Variants in PLBD1 observed in about 807,000 individuals in gnomAD.
PLBD1 encodes the protein phospholipase B domain containing 1.
A neutral mutation model predicts 63.0 loss-of-function variants in PLBD1; 60 were observed. That is an observed-to-expected ratio of 0.95 (90% CI 0.77 to 1.18). The LOEUF is 1.18. Among genes scored for constraint, PLBD1 ranks in the 50% most tolerant of loss-of-function variants. The pLI is 0.00. For synonymous variants in PLBD1, 262 were observed against 248.0 expected (o/e 1.06, Z -0.53); for missense variants, 598 against 677.9 (o/e 0.88, Z 1.31).
At chr12:14,553,122 G>T in intron 2 of PLBD1, 71 bp downstream of exon 2, 1 of 1,296,176 alleles carries the variant, frequency 7.7e-7, no homozygotes, top group South Asian at 1.3e-5. Flanking sequence ...CCAGGAAGAT[G>T]AGAGTCACTG....
At chr12:14,545,302 T>C (rs1035354040) in intron 2 of PLBD1, among the ~76,000 whole-genome samples, 2 of 152,260 alleles carry the variant, frequency 1.3e-5, no homozygotes, top group African/African-American at 2.4e-5. Context: ...CTCCCAGCCT[T>C]GACTCAGCTC....
intron 2 of PLBD1, among the ~76,000 whole-genome samples, chr12:14,545,938 CTT>C (rs1945613052): frequency 6.6e-6 from 1 of 152,102 alleles, no homozygotes; most frequent in South Asian, 2.1e-4. Context: ...TCTACCACCT[CTT>C]AATACAAGAG....
chr12:14,547,178 CTTTGTGTGTGTGTG>C (rs1945622340), intron 2 of PLBD1, among the ~76,000 whole-genome samples: 1 of 95,094 alleles, frequency 1.1e-5, no homozygotes, highest in African/African-American at 3.7e-5. Flanking sequence ...CTGCACCTGG[CTTTGTGTGTGTGTG>C]TGTGTGTGTG....
At position 14,535,773 on chromosome 12, in the gene PLBD1, C is replaced by A. The variant is rs1038185471; in HGVS notation, c.730G>T (p.Ala244Ser). ...GCATACGTGTACCAGCTTGAGTGAG[C>A]AAAAAGGATGTTCTCAAATCCAGGA... ...VLPGFENILF[A>S]HSSWYTYAAM... The change falls in exon 6 of 11, where the codon GCT becomes TCT. Residue 244 changes from alanine (A) to serine (S), a missense_variant. Ala to Ser is a moderately conservative substitution (Grantham distance 99). Coordinates refer to ENST00000240617, the MANE Select transcript of PLBD1 (RefSeq NM_024829.6). The A allele has an allele frequency of 6.2e-6, 10 of 1,612,506 alleles. No individual in the cohort carries two copies. The highest frequency in any genetic ancestry group is 1.6e-4 in the Middle Eastern group (1 of 6,078).
At chr12:14,517,401 G>A (rs778515068) in intron 6 of PLBD1, among the ~76,000 whole-genome samples, 3 of 152,000 alleles carry the variant, frequency 2.0e-5, no homozygotes, top group Non-Finnish European at 4.4e-5. Flanking sequence ...TCCTGCCTTG[G>A]CCTCTTAAAG....
At chr12:14,560,999 T>A (rs749718944) in intron 1 of PLBD1, among the ~76,000 whole-genome samples, 8 of 151,892 alleles carry the variant, frequency 5.3e-5, no homozygotes, top group Non-Finnish European at 1.2e-4. Flanking sequence ...CATGTCTGCA[T>A]GTGCTCCAGG....
chr12:14,533,640 A>G (rs1945485682), intron 6 of PLBD1, among the ~76,000 whole-genome samples: 1 of 152,230 alleles, frequency 6.6e-6, no homozygotes, highest in East Asian at 1.9e-4. Flanking sequence ...GAGGAAGAAT[A>G]CTGGACTGCT....
chr12:14,543,544 C>T (rs1480255172), intron 2 of PLBD1, among the ~76,000 whole-genome samples: 4 of 152,018 alleles, frequency 2.6e-5, no homozygotes, highest in Non-Finnish European at 1.5e-5. Flanking sequence ...TGGTGAAACC[C>T]CGTCTCTACT....
rs201899967 is a variant in PLBD1, at chr12:14,511,478, T to C, written c.1045+33A>G. On this transcript the variant is annotated intron_variant, in intron 7 of 10. Transcript: ENST00000240617. ...ACAAGCCTAAATCAAAATATATGTC[T>C]GTGCCTAACAGTTATTCTGCAGGGT... is the stretch of plus-strand genomic sequence containing the variant. 114 of 1,614,138 alleles carry C rather than the reference T, an allele frequency of 7.1e-5. No individual in the cohort carries two copies. In the East Asian group the frequency reaches 1.1e-3, roughly 15 times the overall value.
At chr12:14,509,747 AAT>A (rs994050216) in intron 8 of PLBD1, among the ~76,000 whole-genome samples, 1 of 152,194 alleles carries the variant, frequency 6.6e-6, no homozygotes, top group African/African-American at 2.4e-5. Context: ...GATCTATTGC[AAT>A]AGTCTCCTAA....
intron 1 of PLBD1, among the ~76,000 whole-genome samples, chr12:14,560,230 G>C (rs974624224): frequency 6.6e-6 from 1 of 152,144 alleles, no homozygotes; most frequent in Non-Finnish European, 1.5e-5. Flanking sequence ...GAAAAAAAAT[G>C]TATAAAATAC....
intron 8 of PLBD1, among the ~76,000 whole-genome samples, chr12:14,509,873 T>C (rs1159048227): frequency 6.6e-6 from 1 of 152,194 alleles, no homozygotes; most frequent in Non-Finnish European, 1.5e-5. Context: ...TTTCTCTCAA[T>C]AAATCTATCT....
chr12:14,529,219 A>G (rs558942206), intron 6 of PLBD1, among the ~76,000 whole-genome samples: 2 of 152,058 alleles, frequency 1.3e-5, no homozygotes, highest in South Asian at 4.1e-4. Flanking sequence ...TAAATAAATA[A>G]ATAGAATAAA....
intron 1 of PLBD1, among the ~76,000 whole-genome samples, chr12:14,560,807 G>C (rs1292885722): frequency 1.3e-5 from 2 of 152,140 alleles, no homozygotes; most frequent in Non-Finnish European, 2.9e-5. Context: ...TGGGCTGGGA[G>C]AGTGAAAGGG....
At position 14,511,515 on chromosome 12, in the gene PLBD1, G is replaced by C; in HGVS notation, c.1041C>G (p.Asn347Lys). Reference sequence around the variant, plus strand: ...TTATTCTGCAGGGTCACTTACCAGAGTTGTATTTTGAAAAGATGTCTGCCC... The same window carrying C: ...TTATTCTGCAGGGTCACTTACCAGACTTGTATTTTGAAAAGATGTCTGCCC... The part of the protein sequence containing the change: ...KRWADIFSKY[N>K]SGTYNNQYMV... The change falls in exon 7 of 11, where the codon AAC becomes AAG. Residue 347 changes from asparagine to lysine, a missense_variant. Coordinates refer to ENST00000240617, the MANE Select transcript of PLBD1 (RefSeq NM_024829.6). 1 of 1,614,206 alleles carries C rather than the reference G, an allele frequency of 6.2e-7. No individual in the cohort carries two copies. The highest frequency in any genetic ancestry group is 8.5e-7 in the Non-Finnish European group (1 of 1,180,036).
Position 14,540,846 on chromosome 12 carries a change from C to A in PLBD1, c.476G>T (p.Trp159Leu). ...NIKEYKTDSF[W>L]RHTGYVMAQI... ...TGCCATCACATAGCCTGTATGTCTC[C>A]AAAATGAATCAGTCTTGTATTCTTT... The change falls in exon 4 of 11, where the codon TGG (tryptophan) becomes TTG (leucine). Residue 159 changes from tryptophan to leucine, a missense_variant. Transcript: ENST00000240617. 1 of 1,611,562 alleles carries A rather than the reference C, an allele frequency of 6.2e-7. No homozygotes were observed. The highest frequency in any genetic ancestry group is 1.1e-5 in the South Asian group (1 of 90,810).
intron 1 of PLBD1, among the ~76,000 whole-genome samples, chr12:14,565,070 A>G (rs1044231381): frequency 1.3e-5 from 2 of 152,262 alleles, no homozygotes; most frequent in Admixed American, 1.3e-4. Flanking sequence ...GTCTGAAATC[A>G]TAGCTTGAAA....
intron 10 of PLBD1, among the ~76,000 whole-genome samples, chr12:14,505,554 T>C (rs999296560): frequency 1.3e-5 from 2 of 152,228 alleles, no homozygotes; most frequent in South Asian, 4.1e-4. Context: ...CATCAACACG[T>C]CAACTAACAA....
intron 6 of PLBD1, among the ~76,000 whole-genome samples, chr12:14,520,772 C>T (rs138278383): frequency 6.6e-6 from 1 of 152,168 alleles, no homozygotes; most frequent in East Asian, 1.9e-4. Context: ...ACGGAGAAAA[C>T]GTGAGCAGGA....
Sources: allele counts gnomAD v4.1 joint callset (sites outside exome capture counted in the v4.1 genomes callset), GRCh38; gene constraint gnomAD v4.1.1; transcripts MANE v1.5; gene names NCBI Gene and HGNC (gene_info 2026-07-23, HGNC 2026-07-21).